Variants in PRRC2A observed in about 807,000 individuals in gnomAD.
PRRC2A encodes the protein protein PRRC2A.
PRRC2A carries 59 observed loss-of-function variants against 224.6 expected under a neutral mutation model. The observed-to-expected ratio is 0.26, with a 90% CI of 0.21 to 0.33. PRRC2A has a LOEUF of 0.33. PRRC2A is among the 10% of genes least tolerant of loss of function. The pLI is 1.00. For missense variants in PRRC2A, 3,095 were observed against 2,880.7 expected, an observed-to-expected ratio of 1.07 and a Z score of -1.70; for synonymous variants, 1,194 against 1,109.5, an observed-to-expected ratio of 1.08 and a Z score of -1.51.
chr6:31,633,591 C>T lies in PRRC2A; in HGVS notation c.4532C>T (p.Ser1511Phe), dbSNP rs1254710876. 3 of 1,612,962 alleles carry T rather than the reference C, an allele frequency of 1.9e-6. No individual in the cohort carries two copies. The highest frequency in any genetic ancestry group is 2.2e-5 in the East Asian group (1 of 44,886). ...CTTCCCCAAGCCCCTCAGGGCCCCT[C>T]TCCTAGGCCCCCAACCCGATACGAG... ...PGLPQAPQGP[S>F]PRPPTRYEPQ... The change falls in exon 17 of 31, where the codon TCT (serine) becomes TTT (phenylalanine). Residue 1511 changes from serine to phenylalanine, a missense_variant. Coordinates refer to ENST00000376033, the MANE Select transcript of PRRC2A (RefSeq NM_004638.4).
At chr6:31,634,162 ACT>A (rs2150529899) in intron 18 of PRRC2A, 72 bp from the exon 19 acceptor site, 2 of 1,568,316 alleles carry the variant, frequency 1.3e-6, no homozygotes, top group East Asian at 4.5e-5. Flanking sequence ...GTGTCACCCC[ACT>A]CTGTCCTGGC....
Position 31,632,152 on chromosome 6 carries a change from T to G in PRRC2A, c.3479T>G (p.Val1160Gly), listed in dbSNP as rs1416143808. The change falls in exon 16 of 31, where the codon GTC (valine) becomes GGC (glycine). Residue 1160 changes from valine (V) to glycine (G), a missense_variant. By Grantham distance (109) the Val-to-Gly change is moderately radical. Around this residue, in one of 8 missense-constraint regions of PRRC2A, gnomAD observed 2,001 missense variants for 1,764.9 expected, o/e 1.13. Coordinates refer to ENST00000376033, the MANE Select transcript of PRRC2A (RefSeq NM_004638.4). Reference sequence around the variant, plus strand: ...CGCTTCACTGCCCGGGGTGGGCGAGTCTTCACTCCCAGAGGGGTGCCATCT... The same window carrying G: ...CGCTTCACTGCCCGGGGTGGGCGAGGCTTCACTCCCAGAGGGGTGCCATCT... ...PARFTARGGRVFTPRGVPSRR... is the reference protein window; with the variant it reads ...PARFTARGGRGFTPRGVPSRR... 5 of 1,567,354 alleles carry G rather than the reference T, an allele frequency of 3.2e-6. No individual in the cohort carries two copies. The highest frequency in any genetic ancestry group is 4.3e-6 in the Non-Finnish European group (5 of 1,157,116).
rs188303967 is a variant in PRRC2A at position 31,625,090 on chromosome 6, G to T, written c.464-81G>T. The T allele has an allele frequency of 6.6e-7, 1 of 1,504,852 alleles. No individual in the cohort carries two copies. The highest frequency in any genetic ancestry group is 2.3e-5 in the East Asian group (1 of 43,950). 93.2% of individuals were successfully genotyped at this position (1,504,852 alleles called of 1,614,324 possible). On this transcript the variant is annotated intron_variant, in intron 5 of 30. Transcript: ENST00000376033. This position sits in a 1 kb window ranked among gnomAD's most constrained non-coding sequence, Gnocchi z 4.1. Reference sequence around the variant, plus strand: ...TGGGATTACAGGCGTGAGCCACCGCGCCCAGCCAGAGTCTTCCACTTTTAT... The same window carrying T: ...TGGGATTACAGGCGTGAGCCACCGCTCCCAGCCAGAGTCTTCCACTTTTAT...
rs1409727589 is a variant in PRRC2A, at chr6:31,634,096, C to G, written c.4719+107C>G. ...TCCTGTTTCTTTCACTGTGTTTTTA[C>G]TCCAGAATTCTCAGTATTAGTCTCC... On this transcript the variant is annotated intron_variant, in intron 18 of 30. Transcript: ENST00000376033. The G allele has an allele frequency of 1.9e-6, 3 of 1,572,294 alleles. No homozygotes were observed. In the African/African-American group the frequency reaches 4.1e-5, roughly 22 times the overall value.
Position 31,636,674 on chromosome 6 carries a change from C to T in PRRC2A, c.5935-59C>T. ...TGTCCAGTTGCTGGCTTTGATTTTC[C>T]CTGGTTTTCTGACATTCCTCCCTGC... is the stretch of plus-strand genomic sequence containing the variant. On this transcript the variant is annotated intron_variant, in intron 27 of 30. Coordinates refer to ENST00000376033, the MANE Select transcript of PRRC2A (RefSeq NM_004638.4). The surrounding 1 kb of genome is among the most constrained non-coding windows in gnomAD (Gnocchi z 4.3). 1.3e-6 allele frequency: 2 copies of T among 1,595,488 alleles called. No homozygotes were observed. Among genetic ancestry groups the T allele is most frequent in the Non-Finnish European group, 1.7e-6 (2 of 1,167,150 alleles).
In PRRC2A at chr6:31,631,160, TC is replaced by T; in HGVS notation, c.2492del (p.Pro831HisfsTer63). On this transcript the variant is annotated frameshift_variant, in exon 16 of 31. Coordinates refer to ENST00000376033, the MANE Select transcript of PRRC2A (RefSeq NM_004638.4). LOFTEE classifies it high-confidence loss of function. This position sits in a 1 kb window ranked among gnomAD's most constrained non-coding sequence, Gnocchi z 4.5. ...TCAGGAGCGAGACTCCTCCAGTACCTCCCCCACCACCCTATCTGGCCAGTTA... is the reference window on the plus strand; with the variant it reads ...TCAGGAGCGAGACTCCTCCAGTACCTCCCCACCACCCTATCTGGCCAGTTA... ...GMRSETPPVPPPPPYLASYPG... is the reference protein window; with the variant it reads ...GMRSETPPVPXPPPYLASYPG... The T allele has an allele frequency of 6.5e-7, 1 of 1,536,536 alleles. No individual in the cohort carries two copies. The highest frequency in any genetic ancestry group is 8.8e-7 in the Non-Finnish European group (1 of 1,140,456).
intron 5 of PRRC2A, 116 bp downstream of exon 5, chr6:31,624,638 A>T: frequency 8.5e-7 from 1 of 1,177,292 alleles, no homozygotes; most frequent in Non-Finnish European, 1.2e-6. Flanking sequence ...AGGACCACCC[A>T]TATTCAGTTT....
Position 31,630,728 on chromosome 6 carries a change from G to T in PRRC2A, c.2392G>T (p.Ala798Ser). The T allele has an allele frequency of 6.2e-7, 1 of 1,614,102 alleles. No individual in the cohort carries two copies. Among genetic ancestry groups the T allele is most frequent in the Non-Finnish European group, 8.5e-7 (1 of 1,180,004 alleles). The change falls in exon 15 of 31, where the codon GCC becomes TCC. Residue 798 changes from alanine (A) to serine (S), a missense_variant. Ala to Ser is a moderately conservative substitution (Grantham distance 99, BLOSUM62 1). Around this residue, in one of 8 missense-constraint regions of PRRC2A, gnomAD observed 2,001 missense variants for 1,764.9 expected, o/e 1.13. Transcript: ENST00000376033. ...KLAWVGDVFT[A>S]TPAEPRPLTS... ...GGCCTGGGTAGGAGATGTCTTCACC[G>T]CCACACCCGCTGAACCCCGCCCACT... is the stretch of plus-strand genomic sequence containing the variant.
chr6:31,629,894 A>T, intron 14 of PRRC2A, 49 bp downstream of exon 14: 1 of 1,603,718 alleles, frequency 6.2e-7, no homozygotes, highest in Non-Finnish European at 8.5e-7. Flanking sequence ...CCTCAGTCTT[A>T]GGCATTGGAT....
chr6:31,635,242 T>TC lies in PRRC2A; in HGVS notation c.5276dup (p.Val1760SerfsTer6), dbSNP rs1466876570. ...CCATTCGGCCATCCCATCGACCTGGTCCCCCAGTCCAGTTTGGCACTAGTG... is the reference window on the plus strand; with the variant it reads ...CCATTCGGCCATCCCATCGACCTGGTCCCCCCAGTCCAGTTTGGCACTAGTG... On this transcript the variant is annotated frameshift_variant, in exon 22 of 31. Transcript: ENST00000376033. LOFTEE classifies it high-confidence loss of function. 6.2e-7 allele frequency: 1 copy of TC among 1,614,034 alleles called. No individual in the cohort carries two copies. Among genetic ancestry groups the TC allele is most frequent in the African/African-American group, 1.3e-5 (1 of 74,912 alleles).
chr6:31,633,098 C>A (rs1776863363), intron 16 of PRRC2A, 106 bp downstream of exon 16: 2 of 1,357,572 alleles, frequency 1.5e-6, no homozygotes, highest in African/African-American at 2.9e-5. Flanking sequence ...GCCTGAGGGG[C>A]CATGGGCTCT....
At chr6:31,623,012 G>C (rs1325197838) in intron 2 of PRRC2A, 111 bp downstream of exon 2, 1 of 982,634 alleles carries the variant, frequency 1.0e-6, no homozygotes, top group Non-Finnish European at 1.6e-6. Context: ...CAAAAGACTA[G>C]AGGAGATTTC....
intron 2 of PRRC2A, among the ~76,000 whole-genome samples, chr6:31,623,510 G>A (rs1186604454): frequency 6.6e-6 from 1 of 152,058 alleles, no homozygotes; most frequent in Admixed American, 6.5e-5. Context: ...CAGGTGATCC[G>A]CCTGCCTCGG....
chr6:31,632,358 G>A lies in PRRC2A; in HGVS notation c.3685G>A (p.Gly1229Ser). Residue 1229 changes from glycine to serine, a missense_variant, in exon 16 of 31, where the codon GGT becomes AGT. This residue lies in a region of PRRC2A where 2,001 missense variants were observed against 1,764.9 expected (regional missense o/e 1.13). Transcript: ENST00000376033. ...TGTGGCGCGCGGAGGCAGCAATGGA[G>A]GTAGCAATGTGGGCATGGAAGATGG... ...SPVARGGSNGGSNVGMEDGER... is the reference protein window; with the variant it reads ...SPVARGGSNGSSNVGMEDGER... 6.2e-7 allele frequency: 1 copy of A among 1,613,326 alleles called. No individual in the cohort carries two copies. The highest frequency in any genetic ancestry group is 8.5e-7 in the Non-Finnish European group (1 of 1,179,946).
In PRRC2A at chr6:31,636,678, G is replaced by C. The variant is rs1408635507; in HGVS notation, c.5935-55G>C. 23 of 1,596,224 alleles carry C rather than the reference G, an allele frequency of 1.4e-5. No homozygotes were observed. On this transcript the variant is annotated intron_variant, in intron 27 of 30. Transcript: ENST00000376033. The surrounding 1 kb of genome is among the most constrained non-coding windows in gnomAD (Gnocchi z 4.3). ...CAGTTGCTGGCTTTGATTTTCCCTG[G>C]TTTTCTGACATTCCTCCCTGCCCCC...
In PRRC2A at chr6:31,635,718, T is replaced by A. The variant is rs760037835; in HGVS notation, c.5510T>A (p.Phe1837Tyr). 50 of 1,605,902 alleles carry A rather than the reference T, an allele frequency of 3.1e-5. No individual in the cohort carries two copies. The highest frequency in any genetic ancestry group is 3.1e-5 in the Non-Finnish European group (36 of 1,176,144). Residue 1837 changes from phenylalanine to tyrosine, a missense_variant, in exon 24 of 31, where the codon TTC becomes TAC. Physicochemically the swap from Phe to Tyr is conservative, Grantham distance 22 (BLOSUM62 3). Transcript: ENST00000376033. Reference protein sequence around the residue: ...SSGQRLYPEVFYGSAGPSSSQ... With the variant: ...SSGQRLYPEVYYGSAGPSSSQ... ...GGCCAGCGCCTGTATCCTGAGGTTT[T>A]CTATGGCAGTGCTGGGCCTTCCAGT...
chr6:31,627,374 G>A lies in PRRC2A; in HGVS notation c.1290+176G>A, dbSNP rs1561806543. Among the ~76,000 whole-genome samples the A allele has an allele frequency of 1.3e-5, 2 of 152,160 alleles. No individual in the cohort carries two copies. On this transcript the variant is annotated intron_variant, in intron 11 of 30. Transcript: ENST00000376033. This position sits in a 1 kb window ranked among gnomAD's most constrained non-coding sequence, Gnocchi z 5.6. ...ATATCTTTGGTAATAGGGGAGTCTGGGTAAGAAGTGAGAAACTGGGATGCT... is the reference window on the plus strand; with the variant it reads ...ATATCTTTGGTAATAGGGGAGTCTGAGTAAGAAGTGAGAAACTGGGATGCT...
chr6:31,622,624 G>T (rs1055356402), intron 1 of PRRC2A, 66 bp from the exon 2 acceptor site: 2 of 586,428 alleles, frequency 3.4e-6, no homozygotes, highest in Non-Finnish European at 6.0e-6. Context: ...ACACCAGAGG[G>T]CCTCATATCT....
At position 31,631,944 on chromosome 6, in the gene PRRC2A, G is replaced by A; in HGVS notation, c.3271G>A (p.Gly1091Ser). Residue 1091 changes from glycine (G) to serine (S), a missense_variant, in exon 16 of 31, where the codon GGT (glycine) becomes AGT (serine). Physicochemically the swap from Gly to Ser is moderately conservative, Grantham distance 56 (BLOSUM62 0). Around this residue, in one of 8 missense-constraint regions of PRRC2A, gnomAD observed 2,001 missense variants for 1,764.9 expected, o/e 1.13. Transcript: ENST00000376033. This position sits in a 1 kb window ranked among gnomAD's most constrained non-coding sequence, Gnocchi z 4.5. ...GRTASETRSE[G>S]SEYEEIPKRR... ...CACTGCCAGCGAGACACGGAGCGAG[G>A]GTTCAGAGTATGAGGAAATCCCCAA... The A allele has an allele frequency of 1.2e-6, 2 of 1,612,976 alleles. No homozygotes were observed. The highest frequency in any genetic ancestry group is 1.7e-6 in the Non-Finnish European group (2 of 1,179,990).
Sources: gnomAD v4.1 joint callset for allele counts (sites outside exome capture counted in the v4.1 genomes callset) on GRCh38, gnomAD v4.1.1 for gene constraint, gnomAD v4.1.1 regional missense constraint, Gnocchi (gnomAD v3.1) non-coding constraint, MANE v1.5 for transcripts, NCBI Gene and HGNC (gene_info 2026-07-23, HGNC 2026-07-21) for gene names.